Variants in HTRA3 observed in about 807,000 individuals in gnomAD.
HTRA3 encodes serine protease HTRA3.
A neutral mutation model predicts 43.2 loss-of-function variants in HTRA3; 41 were observed. The ratio of observed to expected loss-of-function variants is 0.95; its 90% CI spans 0.74 to 1.23. The LOEUF is 1.23. Ranked by LOEUF, HTRA3 falls within the 50% of genes most tolerant of loss-of-function variation. The pLI, the probability that HTRA3 is intolerant of heterozygous loss-of-function variation, is 0.00. For missense variants in HTRA3, 628 were observed against 647.1 expected, an observed-to-expected ratio of 0.97 and a Z score of 0.32; for synonymous variants, 295 against 287.9, an observed-to-expected ratio of 1.02 and a Z score of -0.25.
chr4:8,297,257 C>A lies in HTRA3; in HGVS notation c.1051+3056C>A, dbSNP rs1326884977. Among the ~76,000 whole-genome samples, 2 of 151,874 alleles carry A rather than the reference C, an allele frequency of 1.3e-5. No homozygotes were observed. The highest frequency in any genetic ancestry group is 4.8e-5 in the African/African-American group (2 of 41,338). On this transcript the variant is annotated intron_variant, in intron 6 of 8. Transcript: ENST00000307358. The surrounding 1 kb of genome is among the most constrained non-coding windows in gnomAD (Gnocchi z 5.8). ...CATACTTGGTGTGTGTTCTGCTCAC[C>A]TCTCAAGTTCAAGGAGAAGAGGCTT...
rs948148226 is a variant in HTRA3, at chr4:8,297,736, C to G, written c.1051+3535C>G. Among the ~76,000 whole-genome samples the G allele has an allele frequency of 3.3e-5, 5 of 152,052 alleles. No homozygotes were observed. Among genetic ancestry groups the G allele is most frequent in the Non-Finnish European group, 7.4e-5 (5 of 67,986 alleles). On this transcript the variant is annotated intron_variant, in intron 6 of 8. Coordinates refer to ENST00000307358, the MANE Select transcript of HTRA3 (RefSeq NM_053044.5). The surrounding 1 kb of genome is among the most constrained non-coding windows in gnomAD (Gnocchi z 5.8). The stretch of plus-strand genomic sequence containing the variant: ...TGTGCAGGTCCTGTCGAGGATCCCA[C>G]CCCCTGGATTTAGAAGCCACCTAGA...
rs74621439 is a variant in HTRA3, at chr4:8,302,671, G to A, written c.1100+160G>A. ...CCGTTGCTCAGGCCAGTCCTTTTGCGTGGACCTTTCCCTCTTTGCCTTATA... is the reference window on the plus strand; with the variant it reads ...CCGTTGCTCAGGCCAGTCCTTTTGCATGGACCTTTCCCTCTTTGCCTTATA... On this transcript the variant is annotated intron_variant, in intron 7 of 8. Transcript: ENST00000307358. Among the ~76,000 whole-genome samples, 84 of 152,334 alleles carry A rather than the reference G, an allele frequency of 5.5e-4. 1 individual carries two copies. Among genetic ancestry groups the A allele is most frequent in the African/African-American group, 1.8e-3 (76 of 41,572 alleles).
At chr4:8,289,639 T>G (rs1271339802) in intron 3 of HTRA3, among the ~76,000 whole-genome samples, 2 of 152,192 alleles carry the variant, frequency 1.3e-5, no homozygotes, top group African/African-American at 4.8e-5. Context: ...CAGGCCCTGG[T>G]CAGCACCCAT....
intron 3 of HTRA3, among the ~76,000 whole-genome samples, chr4:8,289,477 G>C (rs1451100388): frequency 1.3e-5 from 2 of 152,222 alleles, no homozygotes; most frequent in Non-Finnish European, 2.9e-5. Context: ...AGAGGAGAGC[G>C]AGACTAGGGG....
At chr4:8,270,575 C>T (rs1188669308) in intron 1 of HTRA3, among the ~76,000 whole-genome samples, 1 of 152,206 alleles carries the variant, frequency 6.6e-6, no homozygotes, top group Non-Finnish European at 1.5e-5. Context: ...AAGGGAAACC[C>T]GGTGGTCTCC....
intron 1 of HTRA3, among the ~76,000 whole-genome samples, chr4:8,280,680 G>A (rs1351304742): frequency 6.6e-6 from 1 of 152,072 alleles, no homozygotes; most frequent in Non-Finnish European, 1.5e-5. Flanking sequence ...TGTGACCTCT[G>A]AACCTGAGAC....
intron 1 of HTRA3, among the ~76,000 whole-genome samples, chr4:8,281,427 A>G (rs1038309621): frequency 6.6e-6 from 1 of 152,036 alleles, no homozygotes; most frequent in African/African-American, 2.4e-5. Context: ...AGTCCTCCAC[A>G]CTCAGTTCCC....
intron 1 of HTRA3, among the ~76,000 whole-genome samples, chr4:8,275,612 T>G (rs1712489255): frequency 6.6e-6 from 1 of 152,176 alleles, no homozygotes; most frequent in Non-Finnish European, 1.5e-5. Context: ...AGGGGGCCTG[T>G]GCACCCTTGG....
chr4:8,306,145 T>C lies in HTRA3; in HGVS notation c.*9T>C, dbSNP rs1560145202. 1 of 1,562,232 alleles carries C rather than the reference T, an allele frequency of 6.4e-7. No homozygotes were observed. On this transcript the variant is annotated 3_prime_UTR_variant, in exon 9 of 9. Transcript: ENST00000307358. This position sits in a 1 kb window ranked among gnomAD's most constrained non-coding sequence, Gnocchi z 8.9. Reference sequence around the variant, plus strand: ...CTGAGGTGGTCATGTGAGGGGCGCATTCCTCCAGCGCCAAGCGTCAGAGCC... The same window carrying C: ...CTGAGGTGGTCATGTGAGGGGCGCACTCCTCCAGCGCCAAGCGTCAGAGCC...
chr4:8,302,746 C>T (rs1240535552), intron 7 of HTRA3, among the ~76,000 whole-genome samples: 2 of 152,254 alleles, frequency 1.3e-5, no homozygotes, highest in African/African-American at 2.4e-5. Flanking sequence ...GCTGCTATAA[C>T]AAATTACTAT....
At position 8,302,486 on chromosome 4, in the gene HTRA3, A is replaced by C. The variant is rs1713688080; in HGVS notation, c.1075A>C (p.Ile359Leu). 2 of 1,614,064 alleles carry C rather than the reference A, an allele frequency of 1.2e-6. No individual in the cohort carries two copies. Among genetic ancestry groups the C allele is most frequent in the Admixed American group, 1.7e-5 (1 of 60,020 alleles). Residue 359 changes from isoleucine to leucine, a missense_variant, in exon 7 of 9, where the codon ATA becomes CTA. Physicochemically the swap from Ile to Leu is conservative, Grantham distance 5. Coordinates refer to ENST00000307358, the MANE Select transcript of HTRA3 (RefSeq NM_053044.5). ...AGACTGGAAGAAGCGCTTCATCGGC[A>C]TACGGATGCGGACGATCACACCAAG... ...IKDWKKRFIG[I>L]RMRTITPSLV... is the part of the protein sequence containing the mutation.
At chr4:8,305,658 C>T (rs1713814618) in intron 8 of HTRA3, among the ~76,000 whole-genome samples, 1 of 152,176 alleles carries the variant, frequency 6.6e-6, no homozygotes, top group Non-Finnish European at 1.5e-5. Context: ...TGCGTTTCCA[C>T]ATAGGATGGT....
At position 8,306,577 on chromosome 4, in the gene HTRA3, G is replaced by A. The variant is rs977651859; in HGVS notation, c.*441G>A. On this transcript the variant is annotated 3_prime_UTR_variant, in exon 9 of 9. Coordinates refer to ENST00000307358, the MANE Select transcript of HTRA3 (RefSeq NM_053044.5). This position sits in a 1 kb window ranked among gnomAD's most constrained non-coding sequence, Gnocchi z 8.9. The stretch of plus-strand genomic sequence containing the variant: ...TGACCTGAGGCCCCAGCTTCCCTCT[G>A]CCCTAGGACTTACCAAGCTGTAGGG... 3 of 166,142 alleles carry A rather than the reference G, an allele frequency of 1.8e-5. No individual in the cohort carries two copies. The highest frequency in any genetic ancestry group is 2.6e-5 in the Non-Finnish European group (2 of 75,806). 10.3% of individuals were successfully genotyped at this position (166,142 alleles called of 1,614,324 possible). A position where few individuals can be genotyped will look rare whatever the true frequency, so the allele number is the denominator to read the frequency against.
intron 8 of HTRA3, among the ~76,000 whole-genome samples, chr4:8,305,377 G>T (rs1713798546): frequency 6.6e-6 from 1 of 152,272 alleles, no homozygotes; most frequent in Non-Finnish European, 1.5e-5. Context: ...CCAGGGAGGT[G>T]CAGGCTCCTG....
At chr4:8,288,334 C>T (rs767683349) in intron 3 of HTRA3, among the ~76,000 whole-genome samples, 5 of 152,240 alleles carry the variant, frequency 3.3e-5, no homozygotes, top group South Asian at 2.1e-4. Context: ...AGTGCAATGG[C>T]GTCATCTCGG....
rs964200548 is a variant in HTRA3, at chr4:8,282,392, G to A, written c.386-45G>A. ...GGGCATAGGCCTCTGGGAGCTGGCA[G>A]CATCGTGATCTCACTGATGCACCTG... On this transcript the variant is annotated intron_variant, in intron 1 of 8. Coordinates refer to ENST00000307358, the MANE Select transcript of HTRA3 (RefSeq NM_053044.5). 4.1e-6 allele frequency: 6 copies of A among 1,461,190 alleles called. No homozygotes were observed. The African/African-American group carries it at 4.2e-5, about 10-fold the overall frequency. The allele number at this position is 1,461,190 out of a possible 1,614,324, so 90.5% of individuals were successfully genotyped here.
Position 8,306,428 on chromosome 4 carries a change from T to A in HTRA3, c.*292T>A. On this transcript the variant is annotated 3_prime_UTR_variant, in exon 9 of 9. Transcript: ENST00000307358. This position sits in a 1 kb window ranked among gnomAD's most constrained non-coding sequence, Gnocchi z 8.9. ...TTCACAAAACTGCCTTCCATGGAGG[T>A]CCCCTCCTCTCCTAGCTTCCCGCCT... 6.5e-6 allele frequency: 2 copies of A among 309,648 alleles called. No homozygotes were observed. The highest frequency in any genetic ancestry group is 1.2e-5 in the Non-Finnish European group (2 of 166,434). The allele number at this position is 309,648 out of a possible 1,614,324, so 19.2% of individuals were successfully genotyped here.
In HTRA3 at chr4:8,290,417, C is replaced by A. The variant is rs544939966; in HGVS notation, c.709-953C>A. Among the ~76,000 whole-genome samples the A allele has an allele frequency of 8.5e-5, 13 of 152,350 alleles. No individual in the cohort carries two copies. The East Asian group carries it at 2.5e-3, about 29-fold the overall frequency. ...AGAGGGTCAGAGGCATGGGGTCCTG[C>A]CCCACTGATCTCCTAAGTTGGGGCA... is the stretch of plus-strand genomic sequence containing the variant. On this transcript the variant is annotated intron_variant, in intron 3 of 8. Coordinates refer to ENST00000307358, the MANE Select transcript of HTRA3 (RefSeq NM_053044.5).
intron 3 of HTRA3, among the ~76,000 whole-genome samples, chr4:8,288,164 C>T (rs552677916): frequency 2.6e-5 from 4 of 152,328 alleles, no homozygotes; most frequent in African/African-American, 7.2e-5. Flanking sequence ...GGGGACCCTT[C>T]CCTGCTTTTC....
Sources: allele counts gnomAD v4.1 joint callset (sites outside exome capture counted in the v4.1 genomes callset), GRCh38; gene constraint gnomAD v4.1.1; non-coding constraint Gnocchi (gnomAD v3.1); transcripts MANE v1.5; gene names NCBI Gene and HGNC (gene_info 2026-07-23, HGNC 2026-07-21).